The following DRAM1 variants were observed in gnomAD, a reference collection of about 807,000 sequenced individuals.
DRAM1 encodes the protein DNA damage-regulated autophagy modulator protein 1.
In DRAM1, 25 loss-of-function variants were observed where a neutral mutation model predicts 28.5. The observed-to-expected ratio is 0.88, with a 90% CI of 0.64 to 1.23. The LOEUF (loss-of-function observed/expected upper bound fraction) is 1.23, where lower values mean the gene tolerates loss of function less well. Among genes scored for constraint, DRAM1 ranks in the 50% most tolerant of loss-of-function variants. The pLI is 0.00. For missense variants in DRAM1, 249 were observed against 299.2 expected (o/e 0.83, Z 1.24); for synonymous variants, 113 against 114.2 (o/e 0.99, Z 0.07).
chr12:101,913,925 A>G (rs968524356), intron 4 of DRAM1, among the ~76,000 whole-genome samples: 2 of 152,114 alleles, frequency 1.3e-5, no homozygotes, highest in Non-Finnish European at 2.9e-5. Flanking sequence ...ACACTGGAAA[A>G]CTATTGCGAA....
At chr12:101,906,322 T>C (rs1873807671) in intron 3 of DRAM1, among the ~76,000 whole-genome samples, 1 of 152,166 alleles carries the variant, frequency 6.6e-6, no homozygotes, top group Non-Finnish European at 1.5e-5. Context: ...CAGCTTGAGG[T>C]TGAACTGTCT....
intron 1 of DRAM1, among the ~76,000 whole-genome samples, chr12:101,886,171 G>T (rs1872880379): frequency 2.0e-5 from 3 of 152,128 alleles, no homozygotes; most frequent in Non-Finnish European, 4.4e-5. Flanking sequence ...CCCAGTTTGT[G>T]GTCGATTTGA....
chr12:101,882,599 A>C (rs1872728341), intron 1 of DRAM1, among the ~76,000 whole-genome samples: 1 of 151,402 alleles, frequency 6.6e-6, no homozygotes, highest in South Asian at 2.2e-4. Context: ...AAGATACTCA[A>C]CTTTATGAAT....
rs1253089920 is a variant in DRAM1 at position 101,908,180 on chromosome 12, C to G, written c.343-6C>G. The G allele has an allele frequency of 1.3e-6, 2 of 1,599,824 alleles. No individual in the cohort carries two copies. Among genetic ancestry groups the G allele is most frequent in the Admixed American group, 3.5e-5 (2 of 56,672 alleles). Reference sequence around the variant, plus strand: ...GAGTAACACACATTTATGACTTTTTCTCCAGGAGTTAGCTGTGCCAGTGGT... The same window carrying G: ...GAGTAACACACATTTATGACTTTTTGTCCAGGAGTTAGCTGTGCCAGTGGT... On this transcript the variant is annotated splice_region_variant and splice_polypyrimidine_tract_variant and intron_variant, in intron 3 of 6. Coordinates refer to ENST00000258534, the MANE Select transcript of DRAM1 (RefSeq NM_018370.3).
chr12:101,910,879 C>T (rs1002665064), intron 4 of DRAM1, among the ~76,000 whole-genome samples: 11 of 152,108 alleles, frequency 7.2e-5, no homozygotes, highest in East Asian at 1.9e-4. Context: ...TTCATCCACA[C>T]GAAAAGATCT....
intron 5 of DRAM1, among the ~76,000 whole-genome samples, chr12:101,916,686 A>G (rs529709104): frequency 6.6e-6 from 1 of 152,348 alleles, no homozygotes; most frequent in South Asian, 2.1e-4. Flanking sequence ...GATCAGGTGG[A>G]AGAATACCTC....
chr12:101,898,206 A>G (rs1873461525), intron 2 of DRAM1, among the ~76,000 whole-genome samples: 1 of 151,876 alleles, frequency 6.6e-6, no homozygotes, highest in Non-Finnish European at 1.5e-5. Flanking sequence ...AGTTTTTTGT[A>G]GAGATGGGGT....
intron 1 of DRAM1, among the ~76,000 whole-genome samples, chr12:101,892,715 T>A (rs1279891968): frequency 6.6e-6 from 1 of 152,180 alleles, no homozygotes; most frequent in Non-Finnish European, 1.5e-5. Context: ...CTTAGTGGAA[T>A]TTTTTTAAAA....
intron 4 of DRAM1, among the ~76,000 whole-genome samples, chr12:101,911,513 G>C (rs1472029639): frequency 6.6e-6 from 1 of 152,008 alleles, no homozygotes; most frequent in Admixed American, 6.6e-5. Context: ...TTGTTTTTAG[G>C]GCTTCTCCCT....
intron 6 of DRAM1, 96 bp from the exon 7 acceptor site, chr12:101,921,120 C>T: frequency 1.1e-6 from 1 of 895,018 alleles, no homozygotes; most frequent in African/African-American, 1.6e-5. Flanking sequence ...ATAGTGAGAT[C>T]ATTCCTTAGG....
intron 4 of DRAM1, among the ~76,000 whole-genome samples, chr12:101,910,420 A>G (rs970931066): frequency 1.3e-5 from 2 of 152,110 alleles, no homozygotes; most frequent in African/African-American, 4.8e-5. Context: ...GAGAGTTTTC[A>G]CAAAATAAGC....
At chr12:101,885,734 G>A (rs983029860) in intron 1 of DRAM1, among the ~76,000 whole-genome samples, 18 of 151,884 alleles carry the variant, frequency 1.2e-4, no homozygotes, top group East Asian at 3.9e-4. Flanking sequence ...CACTATGTTG[G>A]CCAGGCTGGT....
Position 101,903,960 on chromosome 12 carries a change from CA to C in DRAM1, c.342+2528del, listed in dbSNP as rs1489362621. Among the ~76,000 whole-genome samples the C allele has an allele frequency of 4.1e-3, 427 of 104,984 alleles. 2 individuals are homozygous for C. The highest frequency in any genetic ancestry group is 0.015 in the African/African-American group (259 of 17,074). The allele number at this position is 104,984 out of a possible 152,430, so 68.9% of individuals were successfully genotyped here. On this transcript the variant is annotated intron_variant, in intron 3 of 6. Coordinates refer to ENST00000258534, the MANE Select transcript of DRAM1 (RefSeq NM_018370.3). The stretch of plus-strand genomic sequence containing the variant: ...ACACACACACACACACACACACACA[CA>C]CCCCTATAAGCCTCATAAATATGAA...
At chr12:101,902,275 A>T (rs945056080) in intron 3 of DRAM1, among the ~76,000 whole-genome samples, 1 of 152,208 alleles carries the variant, frequency 6.6e-6, no homozygotes, top group Non-Finnish European at 1.5e-5. Flanking sequence ...GATAGGCACT[A>T]TTATTTTCCC....
At chr12:101,882,868 T>C (rs2047803644) in intron 1 of DRAM1, among the ~76,000 whole-genome samples, 1 of 145,592 alleles carries the variant, frequency 6.9e-6, no homozygotes, top group African/African-American at 2.5e-5. Flanking sequence ...AAATTTATCC[T>C]ATAGGTGTAC....
intron 1 of DRAM1, among the ~76,000 whole-genome samples, 196 bp downstream of exon 1, chr12:101,878,116 C>T (rs546008653): frequency 4.2e-4 from 64 of 152,198 alleles, no homozygotes; most frequent in African/African-American, 1.4e-3. Flanking sequence ...AGCACTTCTG[C>T]CTGTACCCGG....
chr12:101,888,437 T>C (rs1467978424), intron 1 of DRAM1, among the ~76,000 whole-genome samples: 4 of 152,110 alleles, frequency 2.6e-5, no homozygotes, highest in African/African-American at 9.7e-5. Context: ...GGCCGAAAAG[T>C]ATTATTTTTG....
At chr12:101,907,216 A>AAAAAAG (rs1555283679) in intron 3 of DRAM1, among the ~76,000 whole-genome samples, 1 of 140,614 alleles carries the variant, frequency 7.1e-6, no homozygotes, top group African/African-American at 2.9e-5. Flanking sequence ...AAAAAAAAAA[A>AAAAAAG]AAGAAGAAAA....
At chr12:101,879,916 G>A (rs576413627) in intron 1 of DRAM1, among the ~76,000 whole-genome samples, 11 of 151,864 alleles carry the variant, frequency 7.2e-5, no homozygotes, top group African/African-American at 1.7e-4. Context: ...GCTTGAACCC[G>A]GGAGGCAGAG....
Sources: allele counts gnomAD v4.1 joint callset (sites outside exome capture counted in the v4.1 genomes callset), GRCh38; gene constraint gnomAD v4.1.1; transcripts MANE v1.5; gene names NCBI Gene and HGNC (gene_info 2026-07-23, HGNC 2026-07-21).